ZDHHC13: variants seen among roughly 807,000 people sequenced by gnomAD.
ZDHHC13 encodes palmitoyltransferase ZDHHC13.
Under a neutral mutation model 86.0 loss-of-function variants are expected in ZDHHC13, and 85 were observed. That is an observed-to-expected ratio of 0.99 (90% confidence interval 0.83 to 1.18). ZDHHC13 has a LOEUF of 1.18. ZDHHC13 is among the 50% of genes most tolerant of loss of function. The pLI is 0.00. For synonymous variants in ZDHHC13, 263 were observed against 246.4 expected, an observed-to-expected ratio of 1.07 and a Z score of -0.63; for missense variants, 711 against 730.2, an observed-to-expected ratio of 0.97 and a Z score of 0.30.
chr11:19,127,865 G>A (rs1021419087), intron 1 of ZDHHC13, among the ~76,000 whole-genome samples: 5 of 152,132 alleles, frequency 3.3e-5, no homozygotes, highest in African/African-American at 9.7e-5. Context: ...CTATAGTATC[G>A]TTTGAAGTCA....
chr11:19,120,855 G>A (rs945449310), intron 1 of ZDHHC13, among the ~76,000 whole-genome samples: 1 of 152,110 alleles, frequency 6.6e-6, no homozygotes, highest in African/African-American at 2.4e-5. Context: ...CTAGGAAGAC[G>A]AGAGGAAGTA....
intron 1 of ZDHHC13, among the ~76,000 whole-genome samples, chr11:19,133,386 T>TACAC (rs55880977): frequency 5.4e-5 from 8 of 149,510 alleles, no homozygotes; most frequent in African/African-American, 1.7e-4. Context: ...CACATATATA[T>TACAC]ACACACACAC....
At chr11:19,163,865 A>G (rs1461625911) in intron 11 of ZDHHC13, among the ~76,000 whole-genome samples, 5 of 152,160 alleles carry the variant, frequency 3.3e-5, no homozygotes, top group African/African-American at 7.2e-5. Flanking sequence ...TTGCTCATGA[A>G]TGTTTAGAAG....
At position 19,152,562 on chromosome 11, in the gene ZDHHC13, G is replaced by T; in HGVS notation, c.751G>T (p.Glu251Ter). The T allele has an allele frequency of 1.9e-6, 3 of 1,606,412 alleles. No homozygotes were observed. Among genetic ancestry groups the T allele is most frequent in the Non-Finnish European group, 2.5e-6 (3 of 1,177,044 alleles). The change falls in exon 8 of 17, where the codon GAA becomes TAA. Residue 251 changes from glutamate (E) to a stop codon, truncating the protein, a stop_gained. Transcript: ENST00000446113. LOFTEE classifies it high-confidence loss of function. ...TTTTACCCTACTCTTTTTTAAGGGA[G>T]AAACACCTCTTGATATGGCTCTACA... ...SSLDIQNVKGETPLDMALQNK... is the reference protein window; with the variant it reads ...SSLDIQNVKG
chr11:19,135,445 T>C (rs1849111038), intron 1 of ZDHHC13, among the ~76,000 whole-genome samples: 1 of 152,342 alleles, frequency 6.6e-6, no homozygotes, highest in Non-Finnish European at 1.5e-5. Flanking sequence ...CTCGCTGGAT[T>C]GCTAGCACAG....
At chr11:19,164,617 A>T in intron 12 of ZDHHC13, 2 of 515,736 alleles carry the variant, frequency 3.9e-6, no homozygotes, top group South Asian at 2.5e-5. Context: ...TTTCTCTGTC[A>T]TGAAGCATAT....
chr11:19,152,755 C>A (rs937884933), intron 8 of ZDHHC13, 71 bp downstream of exon 8: 27 of 1,599,552 alleles, frequency 1.7e-5, no homozygotes, highest in Non-Finnish European at 2.2e-5. Flanking sequence ...TTTATTAAGG[C>A]ATCAGAGGAA....
chr11:19,146,392 A>G (rs1590074980), intron 3 of ZDHHC13, 89 bp downstream of exon 3: 2 of 1,412,980 alleles, frequency 1.4e-6, no homozygotes, highest in East Asian at 2.5e-5. Context: ...GTATTGAACC[A>G]TGTGTAATCC....
intron 1 of ZDHHC13, among the ~76,000 whole-genome samples, chr11:19,140,098 C>T (rs1358273973): frequency 6.7e-6 from 1 of 149,286 alleles, no homozygotes; most frequent in East Asian, 2.0e-4. Flanking sequence ...TTCTGCACAG[C>T]AAAAGAAACT....
intron 1 of ZDHHC13, among the ~76,000 whole-genome samples, chr11:19,126,502 A>ATTTTTTTTTTT (rs754405966): frequency 2.1e-5 from 2 of 95,150 alleles, no homozygotes; most frequent in African/African-American, 1.0e-4. Flanking sequence ...ACCCTGGCTA[A>ATTTTTTTTTTT]TTTTTTTTTT....
At chr11:19,175,698 C>G (rs904293656) in intron 16 of ZDHHC13, 124 bp from the exon 17 acceptor site, 1 of 1,081,588 alleles carries the variant, frequency 9.2e-7, no homozygotes, top group Admixed American at 2.7e-5. Context: ...TGATCTACCC[C>G]ATCTACCCCT....
At chr11:19,140,956 A>T (rs1849301922) in intron 1 of ZDHHC13, among the ~76,000 whole-genome samples, 2 of 151,166 alleles carry the variant, frequency 1.3e-5, no homozygotes, top group Admixed American at 1.3e-4. Flanking sequence ...TGGGAGATAT[A>T]CCTAATGTAG....
intron 8 of ZDHHC13, 125 bp from the exon 9 acceptor site, chr11:19,155,671 T>A (rs886461044): frequency 6.0e-6 from 6 of 1,006,070 alleles, no homozygotes; most frequent in African/African-American, 5.2e-5. Context: ...AGGAAAACTT[T>A]GTGTTAGCTT....
chr11:19,134,359 G>C (rs115061129), intron 1 of ZDHHC13, among the ~76,000 whole-genome samples: 2 of 151,812 alleles, frequency 1.3e-5, no homozygotes, highest in African/African-American at 2.4e-5. Flanking sequence ...AAATTAGCTG[G>C]GTATACCAAA....
At chr11:19,161,656 A>G (rs1849914739) in intron 10 of ZDHHC13, among the ~76,000 whole-genome samples, 4 of 150,160 alleles carry the variant, frequency 2.7e-5, no homozygotes, top group Admixed American at 2.6e-4. Context: ...AACTCAGGAG[A>G]GAAATGGTGA....
At chr11:19,124,762 T>TG (rs572184668) in intron 1 of ZDHHC13, among the ~76,000 whole-genome samples, 37 of 151,678 alleles carry the variant, frequency 2.4e-4, no homozygotes, top group Middle Eastern at 3.4e-3. Flanking sequence ...TGCGTGTGTG[T>TG]GGGGGGGTAC....
chr11:19,155,903 G>C lies in ZDHHC13; in HGVS notation c.981G>C (p.Leu327=). 6.2e-7 allele frequency: 1 copy of C among 1,608,506 alleles called. No homozygotes were observed. The highest frequency in any genetic ancestry group is 8.5e-7 in the Non-Finnish European group (1 of 1,178,406). Residue 327 remains leucine, a synonymous_variant, in exon 9 of 17, where the codon CTG becomes CTC. Coordinates refer to ENST00000446113, the MANE Select transcript of ZDHHC13 (RefSeq NM_019028.3). The part of the protein sequence containing the change: ...WLLKGCLLVT[L]FFLTSLFPRF... ...TAAAAGGATGTCTTCTAGTAACACT[G>C]TTTTTTCTGACATCTTTGTTTCCAA...
At chr11:19,145,513 T>C (rs987133385) in intron 2 of ZDHHC13, among the ~76,000 whole-genome samples, 16 of 152,240 alleles carry the variant, frequency 1.1e-4, no homozygotes, top group African/African-American at 3.6e-4. Flanking sequence ...AGAAGGCCCA[T>C]GTGATCTTTG....
At chr11:19,120,295 T>G (rs1160297243) in intron 1 of ZDHHC13, among the ~76,000 whole-genome samples, 2 of 152,210 alleles carry the variant, frequency 1.3e-5, no homozygotes, top group African/African-American at 4.8e-5. Context: ...CTGCAAAGAC[T>G]CATAAGCTGG....
Sources: gnomAD v4.1 joint callset for allele counts (sites outside exome capture counted in the v4.1 genomes callset) on GRCh38, gnomAD v4.1.1 for gene constraint, MANE v1.5 for transcripts, NCBI Gene and HGNC (gene_info 2026-07-23, HGNC 2026-07-21) for gene names.